Variants in ZFPL1 observed in about 807,000 individuals in gnomAD.
The protein encoded by ZFPL1 is zinc finger protein like 1.
In ZFPL1, 28 loss-of-function variants were observed where a neutral mutation model predicts 32.0. That is an observed-to-expected ratio of 0.87 (90% CI 0.65 to 1.20). The LOEUF (loss-of-function observed/expected upper bound fraction) is 1.20, where lower values mean the gene tolerates loss of function less well. Ranked by LOEUF, ZFPL1 falls within the 50% of genes most tolerant of loss-of-function variation. The pLI, the probability that ZFPL1 is intolerant of heterozygous loss-of-function variation, is 0.00. For missense variants in ZFPL1, 386 were observed against 424.8 expected, an observed-to-expected ratio of 0.91 and a Z score of 0.80; for synonymous variants, 165 against 177.0, an observed-to-expected ratio of 0.93 and a Z score of 0.54.
chr11:65,086,307 C>G (rs1423711648), intron 3 of ZFPL1, 108 bp from the exon 4 acceptor site: 1 of 1,381,292 alleles, frequency 7.2e-7, no homozygotes, highest in Non-Finnish European at 1.0e-6. Context: ...CTCTGGCACA[C>G]ACACATGTGT....
At position 65,085,174 on chromosome 11, in the gene ZFPL1, C is replaced by G; in HGVS notation, c.162C>G (p.Arg54=). The part of the protein sequence containing the change: ...LQDSDYNPNC[R]LCNIPLASRE... ...ATAGCGACTACAACCCCAATTGCCG[C>G]CTGTGCAACATACCCCTGGCCAGCC... The change falls in exon 3 of 8, where the codon CGC becomes CGG. Residue 54 remains arginine (R), a synonymous_variant. Transcript: ENST00000294258. 1 of 1,614,172 alleles carries G rather than the reference C, an allele frequency of 6.2e-7. No homozygotes were observed. Among genetic ancestry groups the G allele is most frequent in the Non-Finnish European group, 8.5e-7 (1 of 1,180,038 alleles).
chr11:65,084,651 C>G, intron 1 of ZFPL1, 40 bp from the exon 2 acceptor site: 1 of 1,588,220 alleles, frequency 6.3e-7, no homozygotes, highest in Non-Finnish European at 8.6e-7. Context: ...GTGGTGGCCA[C>G]CAGAACCTGA....
At position 65,088,341 on chromosome 11, in the gene ZFPL1, C is replaced by T. The variant is rs368525539; in HGVS notation, c.*227C>T. The stretch of plus-strand genomic sequence containing the variant: ...GCTTTCCTCCCGGGTCTCCAGCCTC[C>T]GACCCCTCGCCCCATGAAGGAGCTG... On this transcript the variant is annotated 3_prime_UTR_variant, in exon 8 of 8. Transcript: ENST00000294258. 247 of 1,238,456 alleles carry T rather than the reference C, an allele frequency of 2.0e-4. No homozygotes were observed. The highest frequency in any genetic ancestry group is 2.6e-4 in the Non-Finnish European group (227 of 877,348). The allele number at this position is 1,238,456 out of a possible 1,614,324, so 76.7% of individuals were successfully genotyped here. A position where few individuals can be genotyped will look rare whatever the true frequency, so the allele number is the denominator to read the frequency against.
Position 65,088,349 on chromosome 11 carries a change from CGCCCCAT to C in ZFPL1, c.*237_*243del. On this transcript the variant is annotated 3_prime_UTR_variant, in exon 8 of 8. Coordinates refer to ENST00000294258, the MANE Select transcript of ZFPL1 (RefSeq NM_006782.4). ...CCCGGGTCTCCAGCCTCCGACCCCT[CGCCCCAT>C]GAAGGAGCTGGCAGGTGGAAATAAA... The C allele has an allele frequency of 7.8e-7, 1 of 1,279,222 alleles. No individual in the cohort carries two copies. Among genetic ancestry groups the C allele is most frequent in the Non-Finnish European group, 1.1e-6 (1 of 913,428 alleles). 79.2% of individuals were successfully genotyped at this position (1,279,222 alleles called of 1,614,324 possible). A position where few individuals can be genotyped will look rare whatever the true frequency, so the allele number is the denominator to read the frequency against.
Position 65,086,403 on chromosome 11 carries a change from A to G in ZFPL1, c.215-12A>G. On this transcript the variant is annotated splice_polypyrimidine_tract_variant and intron_variant, in intron 3 of 7. Transcript: ENST00000294258. ...CCTCATGTCTCTTCTCCCCTGTCTC[A>G]TGGGCCCTAAGATCTCTTTCACTGG... The G allele has an allele frequency of 1.2e-6, 2 of 1,613,958 alleles. No homozygotes were observed. Among genetic ancestry groups the G allele is most frequent in the East Asian group, 2.2e-5 (1 of 44,882 alleles).
Position 65,086,402 on chromosome 11 carries a change from C to T in ZFPL1, c.215-13C>T, listed in dbSNP as rs775083304. On this transcript the variant is annotated splice_polypyrimidine_tract_variant and intron_variant, in intron 3 of 7. Transcript: ENST00000294258. The stretch of plus-strand genomic sequence containing the variant: ...TCCTCATGTCTCTTCTCCCCTGTCT[C>T]ATGGGCCCTAAGATCTCTTTCACTG... The T allele has an allele frequency of 6.2e-7, 1 of 1,614,074 alleles. No individual in the cohort carries two copies. The highest frequency in any genetic ancestry group is 1.1e-5 in the South Asian group (1 of 91,090).
Position 65,084,720 on chromosome 11 carries a change from A to G in ZFPL1, c.22A>G (p.Lys8Glu), listed in dbSNP as rs142209739. 7 of 1,614,124 alleles carry G rather than the reference A, an allele frequency of 4.3e-6. No homozygotes were observed. The highest frequency in any genetic ancestry group is 4.2e-6 in the Non-Finnish European group (5 of 1,180,026). MGLCKCP[K>E]RKVTNLFCFE... ...GATCATGGGGCTTTGTAAGTGCCCC[A>G]AGAGAAAGGTGACCAACCTGTTCTG... Residue 8 changes from lysine to glutamate, a missense_variant, in exon 2 of 8, where the codon AAG becomes GAG. Physicochemically the swap from Lys to Glu is moderately conservative, Grantham distance 56. Coordinates refer to ENST00000294258, the MANE Select transcript of ZFPL1 (RefSeq NM_006782.4).
chr11:65,084,637 C>A, intron 1 of ZFPL1, 54 bp from the exon 2 acceptor site: 1 of 1,475,016 alleles, frequency 6.8e-7, no homozygotes, highest in Non-Finnish European at 9.5e-7. Context: ...CTGGTGAGAG[C>A]GTAGTGGTGG....
In ZFPL1 at chr11:65,088,043, C is replaced by T. The variant is rs763097986; in HGVS notation, c.862C>T (p.Arg288Trp). ...CCTTGCCCTCATGTCTCGCCTAGGC[C>T]GGGCCGCAGCTGACAGCGATCCCAA... Reference protein sequence around the residue: ...ALLALMSRLGRAAADSDPNLD... With the variant: ...ALLALMSRLGWAAADSDPNLD... The change falls in exon 8 of 8, where the codon CGG becomes TGG. Residue 288 changes from arginine to tryptophan, a missense_variant. Transcript: ENST00000294258. 47 of 1,611,056 alleles carry T rather than the reference C, an allele frequency of 2.9e-5. No individual in the cohort carries two copies. The highest frequency in any genetic ancestry group is 1.2e-4 in the African/African-American group (9 of 74,814).
chr11:65,087,953 C>T lies in ZFPL1; in HGVS notation c.772C>T (p.Pro258Ser), dbSNP rs1332699112. ...GAGCCGGGCTGGGTCTCGGAAGCGG[C>T]CGCTGACCCTGCTCCAGCGGGCGGG... Reference protein sequence around the residue: ...LRSRAGSRKRPLTLLQRAGLL... With the variant: ...LRSRAGSRKRSLTLLQRAGLL... The change falls in exon 8 of 8, where the codon CCG (proline) becomes TCG (serine). Residue 258 changes from proline (P) to serine (S), a missense_variant. By Grantham distance (74) the Pro-to-Ser change is moderately conservative (BLOSUM62 -1). Transcript: ENST00000294258. 1 of 1,572,152 alleles carries T rather than the reference C, an allele frequency of 6.4e-7. No homozygotes were observed. The highest frequency in any genetic ancestry group is 8.5e-7 in the Non-Finnish European group (1 of 1,169,948).
intron 5 of ZFPL1, 62 bp downstream of exon 5, chr11:65,086,854 T>C: frequency 1.2e-6 from 2 of 1,613,734 alleles, no homozygotes; most frequent in Non-Finnish European, 1.7e-6. Context: ...GACAGCTCCC[T>C]TGGTCTGCAG....
chr11:65,084,963 C>CT (rs1464565076), intron 2 of ZFPL1, 152 bp from the exon 3 acceptor site: 2 of 1,012,546 alleles, frequency 2.0e-6, no homozygotes, highest in African/African-American at 3.2e-5. Flanking sequence ...AAGAGAGAGT[C>CT]TGGTGCACAG....
intron 3 of ZFPL1, 96 bp downstream of exon 3, chr11:65,085,322 C>T (rs750187171): frequency 9.2e-6 from 10 of 1,082,772 alleles, no homozygotes; most frequent in African/African-American, 1.5e-5. Flanking sequence ...ACAGTGAGTC[C>T]CCCGAGTCTC....
At chr11:65,085,466 C>T (rs2137163871) in intron 3 of ZFPL1, 1 of 548,340 alleles carries the variant, frequency 1.8e-6, no homozygotes. Flanking sequence ...AAATTAAGCC[C>T]TGCCAATCTG....
In ZFPL1 at chr11:65,088,060, C is replaced by T. The variant is rs143603280; in HGVS notation, c.879C>T (p.Ser293=). The T allele has an allele frequency of 2.0e-5, 33 of 1,611,246 alleles. No individual in the cohort carries two copies. The highest frequency in any genetic ancestry group is 2.6e-5 in the Non-Finnish European group (31 of 1,179,522). The change falls in exon 8 of 8, where the codon AGC becomes AGT. Residue 293 remains serine, a synonymous_variant. Transcript: ENST00000294258. ...GCCTAGGCCGGGCCGCAGCTGACAG[C>T]GATCCCAACCTGGACCCACTCATGA... ...MSRLGRAAAD[S]DPNLDPLMNP...
In ZFPL1 at chr11:65,084,681, C is replaced by T. The variant is rs769155428; in HGVS notation, c.-8-10C>T. ...ACCTGACTTCCTACCAACTCATGCC[C>T]CTTTCCCAGGATCGATCATGGGGCT... On this transcript the variant is annotated splice_polypyrimidine_tract_variant and intron_variant, in intron 1 of 7. Coordinates refer to ENST00000294258, the MANE Select transcript of ZFPL1 (RefSeq NM_006782.4). The T allele has an allele frequency of 1.2e-6, 2 of 1,613,458 alleles. No individual in the cohort carries two copies. Among genetic ancestry groups the T allele is most frequent in the African/African-American group, 1.3e-5 (1 of 74,904 alleles).
At position 65,084,233 on chromosome 11, in the gene ZFPL1, A is replaced by C; in HGVS notation, c.-154A>C. On this transcript the variant is annotated 5_prime_UTR_variant, in exon 1 of 8. Transcript: ENST00000294258. ...GCGCCGCACCCGGAAGAGACGTGGC[A>C]GCGGAGGGATAATCGGGGCGGCCGG... The C allele has an allele frequency of 6.9e-6, 4 of 581,848 alleles. No individual in the cohort carries two copies. The highest frequency in any genetic ancestry group is 4.6e-4 in the Middle Eastern group (1 of 2,196). 36.0% of individuals were successfully genotyped at this position (581,848 alleles called of 1,614,324 possible). A position where few individuals can be genotyped will look rare whatever the true frequency, so the allele number is the denominator to read the frequency against.
intron 3 of ZFPL1, 103 bp from the exon 4 acceptor site, chr11:65,086,312 A>G (rs1590804786): frequency 2.2e-6 from 3 of 1,357,958 alleles, no homozygotes; most frequent in Non-Finnish European, 3.1e-6. Context: ...GCACACACAC[A>G]TGTGTCCATA....
chr11:65,087,236 GA>G lies in ZFPL1; in HGVS notation c.629-79del, dbSNP rs2137166667. On this transcript the variant is annotated intron_variant, in intron 6 of 7. Transcript: ENST00000294258. Reference sequence around the variant, plus strand: ...TTCTGAGATGTTCTGTCAGACTGAGGAGAGCAGGTGATCCCCCTAGCCCTCC... The same window carrying G: ...TTCTGAGATGTTCTGTCAGACTGAGGGAGCAGGTGATCCCCCTAGCCCTCC... 5 of 1,565,942 alleles carry G rather than the reference GA, an allele frequency of 3.2e-6. No individual in the cohort carries two copies. In the South Asian group the frequency reaches 5.6e-5, roughly 18 times the overall value.
Sources: allele counts gnomAD v4.1 joint callset, GRCh38; gene constraint gnomAD v4.1.1; transcripts MANE v1.5; gene names NCBI Gene and HGNC (gene_info 2026-07-23, HGNC 2026-07-21).